FUT9: variants seen among roughly 807,000 people sequenced by gnomAD.
The protein encoded by FUT9 is fucosyltransferase 9.
A neutral mutation model predicts 29.7 loss-of-function variants in FUT9; 15 were observed. The observed-to-expected ratio is 0.51, with a 90% CI of 0.34 to 0.78. The LOEUF is 0.78. Ranked by LOEUF, FUT9 falls within the 30% of genes least tolerant of loss-of-function variation. The pLI, the probability that FUT9 is intolerant of heterozygous loss-of-function variation, is 0.01. For synonymous variants in FUT9, 169 were observed against 153.7 expected (o/e 1.10, Z -0.74); for missense variants, 319 against 425.4 (o/e 0.75, Z 2.20).
intron 1 of FUT9, among the ~76,000 whole-genome samples, chr6:96,019,759 C>G (rs1251925289): frequency 6.6e-6 from 1 of 151,964 alleles, no homozygotes; most frequent in African/African-American, 2.4e-5. Flanking sequence ...GAATGCTCGG[C>G]ATTCTTAATA....
intron 1 of FUT9, among the ~76,000 whole-genome samples, chr6:96,096,684 A>ATGTGTGTGTGTGTGTG (rs1243489757): frequency 0.18 from 25,935 of 140,608 alleles, 2,676 homozygotes; most frequent in East Asian, 0.31. Context: ...TGTCTAAGGC[A>ATGTGTGTGTGTGTGTG]TGTGTGTGTG....
intron 1 of FUT9, among the ~76,000 whole-genome samples, chr6:96,042,523 G>C (rs766485597): frequency 6.6e-6 from 1 of 151,934 alleles, no homozygotes; most frequent in Non-Finnish European, 1.5e-5. Context: ...CTGTAAATTC[G>C]TTTATTATGC....
At chr6:96,134,821 G>A (rs1345580978) in intron 2 of FUT9, among the ~76,000 whole-genome samples, 1 of 151,848 alleles carries the variant, frequency 6.6e-6, no homozygotes, top group Admixed American at 6.6e-5. Flanking sequence ...CTTCTCTCGT[G>A]TAGTATAGTT....
At chr6:96,093,914 T>C (rs1288026163) in intron 1 of FUT9, among the ~76,000 whole-genome samples, 1 of 152,042 alleles carries the variant, frequency 6.6e-6, no homozygotes, top group Non-Finnish European at 1.5e-5. Flanking sequence ...AAAAATAAAA[T>C]CCACATCTGT....
At chr6:96,069,623 TTTTA>T (rs1241103006) in intron 1 of FUT9, among the ~76,000 whole-genome samples, 1 of 103,302 alleles carries the variant, frequency 9.7e-6, no homozygotes, top group African/African-American at 3.4e-5. Flanking sequence ...TTTTTTATTT[TTTTA>T]TTTTTTATTT....
At chr6:96,198,206 C>G (rs565614102) in intron 2 of FUT9, among the ~76,000 whole-genome samples, 1 of 151,650 alleles carries the variant, frequency 6.6e-6, no homozygotes, top group East Asian at 1.9e-4. Flanking sequence ...CATGCTGCTG[C>G]GCTGCACCCA....
chr6:96,045,492 C>T lies in FUT9; in HGVS notation c.-98+29280C>T, dbSNP rs1235043271. 2.0e-5 allele frequency among the ~76,000 whole-genome samples: 3 copies of T among 152,162 alleles called. No homozygotes were observed. The South Asian group carries it at 6.2e-4, about 31-fold the overall frequency. ...ATTTTGTTGATTCCTAGATAATTTTCAATGACTCTCTTTATTAAAAATGAA... is the reference window on the plus strand; with the variant it reads ...ATTTTGTTGATTCCTAGATAATTTTTAATGACTCTCTTTATTAAAAATGAA... On this transcript the variant is annotated intron_variant, in intron 1 of 2. Coordinates refer to ENST00000302103, the MANE Select transcript of FUT9 (RefSeq NM_006581.4).
chr6:96,074,813 G>A (rs1771117722), intron 1 of FUT9, among the ~76,000 whole-genome samples: 1 of 151,956 alleles, frequency 6.6e-6, no homozygotes, highest in Non-Finnish European at 1.5e-5. Flanking sequence ...GTCTCATTCT[G>A]TCTCCCAGGC....
chr6:96,051,976 A>G (rs546501006), intron 1 of FUT9, among the ~76,000 whole-genome samples: 1 of 152,182 alleles, frequency 6.6e-6, no homozygotes, highest in Non-Finnish European at 1.5e-5. Context: ...GTTCCTTCTT[A>G]AGCTGCTATG....
intron 2 of FUT9, among the ~76,000 whole-genome samples, chr6:96,176,811 C>A (rs1773212864): frequency 6.6e-6 from 1 of 152,120 alleles, no homozygotes; most frequent in Non-Finnish European, 1.5e-5. Flanking sequence ...CTATGTGGAG[C>A]TGCCTGGCTG....
intron 2 of FUT9, among the ~76,000 whole-genome samples, chr6:96,162,174 G>T (rs532697864): frequency 2.0e-5 from 3 of 152,096 alleles, no homozygotes; most frequent in African/African-American, 7.2e-5. Context: ...TCATATCTGA[G>T]TCTAGTTCTG....
chr6:96,179,180 A>G (rs933211395), intron 2 of FUT9, among the ~76,000 whole-genome samples: 1 of 152,258 alleles, frequency 6.6e-6, no homozygotes, highest in Non-Finnish European at 1.5e-5. Context: ...ACAAACCAAG[A>G]AAAAAACTAT....
At chr6:96,078,408 CTTTTTTTTTTTTTTTTTTT>C (rs71012536) in intron 1 of FUT9, among the ~76,000 whole-genome samples, 1 of 44,172 alleles carries the variant, frequency 2.3e-5, no homozygotes, top group African/African-American at 1.0e-4. Context: ...TATTAGTCTT[CTTTTTTTTTTTTTTTTTTT>C]TTTTTTTTTT....
chr6:96,131,803 T>C (rs947703604), intron 2 of FUT9, among the ~76,000 whole-genome samples: 1 of 152,122 alleles, frequency 6.6e-6, no homozygotes, highest in Admixed American at 6.6e-5. Flanking sequence ...ACAACAAATT[T>C]ATTGCCTCTT....
chr6:96,212,217 G>A lies in FUT9; in HGVS notation c.*7982G>A, dbSNP rs539658543. ...CTCCAGTCTCAGATTGGCCTCATTA[G>A]CCACCTTCAGTTCCTTAAATGAGAT... On this transcript the variant is annotated 3_prime_UTR_variant, in exon 3 of 3. Coordinates refer to ENST00000302103, the MANE Select transcript of FUT9 (RefSeq NM_006581.4). The A allele has an allele frequency of 8.0e-5, 33 of 412,604 alleles. 1 individual carries two copies. The East Asian group carries it at 1.1e-3, about 14-fold the overall frequency. 25.6% of individuals were successfully genotyped at this position (412,604 alleles called of 1,614,324 possible).
At chr6:96,106,633 A>G (rs1364285807) in intron 1 of FUT9, among the ~76,000 whole-genome samples, 3 of 152,338 alleles carry the variant, frequency 2.0e-5, no homozygotes, top group Admixed American at 6.5e-5. Flanking sequence ...CTGAATAAGT[A>G]TGAAGTGCAT....
At chr6:96,025,415 A>G (rs983859941) in intron 1 of FUT9, among the ~76,000 whole-genome samples, 1 of 151,786 alleles carries the variant, frequency 6.6e-6, no homozygotes, top group Non-Finnish European at 1.5e-5. Context: ...CCAGTGGCCC[A>G]TATAATTTGC....
intron 1 of FUT9, among the ~76,000 whole-genome samples, chr6:96,035,209 A>G (rs985863482): frequency 2.6e-5 from 4 of 151,372 alleles, no homozygotes; most frequent in Admixed American, 2.6e-4. Flanking sequence ...GGGAAAGAGG[A>G]AATGAGGAAA....
intron 2 of FUT9, among the ~76,000 whole-genome samples, chr6:96,142,612 G>T (rs749173623): frequency 3.3e-5 from 5 of 152,148 alleles, no homozygotes; most frequent in Non-Finnish European, 5.9e-5. Context: ...TCTTTTGTGT[G>T]TGTCCCACCC....
Sources: allele counts gnomAD v4.1 joint callset (sites outside exome capture counted in the v4.1 genomes callset), GRCh38; gene constraint gnomAD v4.1.1; transcripts MANE v1.5; gene names NCBI Gene and HGNC (gene_info 2026-07-23, HGNC 2026-07-21).